The following KSR2 variants were observed in gnomAD, a reference collection of about 807,000 sequenced individuals.
KSR2 encodes the protein kinase suppressor of ras 2.
KSR2 carries 25 observed loss-of-function variants against 107.8 expected under a neutral mutation model. That is an observed-to-expected ratio of 0.23 (90% CI 0.17 to 0.32). KSR2 has a LOEUF of 0.32. KSR2 is among the 10% of genes least tolerant of loss of function. KSR2 has a pLI of 1.00. For missense variants in KSR2, 887 were observed against 1,268.9 expected, an observed-to-expected ratio of 0.70 and a Z score of 4.57; for synonymous variants, 480 against 507.0, an observed-to-expected ratio of 0.95 and a Z score of 0.71.
In KSR2 at chr12:117,801,863, C is replaced by T. The variant is rs566206061; in HGVS notation, c.473-40339G>A. Reference sequence around the variant, plus strand: ...TGGGGGGAAGAAGAACAGCAGGTGGCCTGGGATTCCCAAGAGGCCCTGGGG... The same window carrying T: ...TGGGGGGAAGAAGAACAGCAGGTGGTCTGGGATTCCCAAGAGGCCCTGGGG... On this transcript the variant is annotated intron_variant, in intron 3 of 19. Coordinates refer to ENST00000339824, the MANE Select transcript of KSR2 (RefSeq NM_173598.6). Among the ~76,000 whole-genome samples the T allele has an allele frequency of 4.2e-4, 64 of 152,024 alleles. 1 individual carries two copies. The highest frequency in any genetic ancestry group is 1.5e-3 in the African/African-American group (62 of 41,460).
chr12:117,963,406 C>A (rs1190828974), intron 1 of KSR2, among the ~76,000 whole-genome samples: 3 of 152,072 alleles, frequency 2.0e-5, no homozygotes, highest in African/African-American at 7.2e-5. Context: ...TCAAGATCAG[C>A]TGGAGCAACA....
chr12:117,654,017 T>C (rs529808380), intron 5 of KSR2, among the ~76,000 whole-genome samples: 1 of 152,348 alleles, frequency 6.6e-6, no homozygotes, highest in South Asian at 2.1e-4. Flanking sequence ...CAGAGGCTTC[T>C]AGGATTTTGG....
At chr12:117,748,287 C>T (rs1888487270) in intron 4 of KSR2, among the ~76,000 whole-genome samples, 2 of 152,060 alleles carry the variant, frequency 1.3e-5, no homozygotes, top group Admixed American at 1.3e-4. Flanking sequence ...CAGGAGCTGG[C>T]AGGAAGGAGG....
chr12:117,886,058 T>C (rs1894167590), intron 1 of KSR2, among the ~76,000 whole-genome samples: 1 of 149,986 alleles, frequency 6.7e-6, no homozygotes, highest in Admixed American at 6.7e-5. Flanking sequence ...ATTGTGCCAC[T>C]GCACTCCAGC....
chr12:117,582,380 C>T, intron 5 of KSR2, 21 bp from the exon 6 acceptor site: 1 of 1,600,232 alleles, frequency 6.2e-7, no homozygotes, highest in Non-Finnish European at 8.6e-7. Context: ...AAGAGAACAG[C>T]CTGTTACACA....
intron 9 of KSR2, 138 bp downstream of exon 9, chr12:117,555,031 A>G (rs1253394432): frequency 3.9e-6 from 4 of 1,022,814 alleles, no homozygotes. Flanking sequence ...TTTACTCAAC[A>G]CAAACATCAC....
intron 4 of KSR2, among the ~76,000 whole-genome samples, chr12:117,672,704 A>C (rs1884961988): frequency 6.6e-6 from 1 of 151,990 alleles, no homozygotes; most frequent in Non-Finnish European, 1.5e-5. Flanking sequence ...GGCCCACCAC[A>C]ACCTCTGCCT....
chr12:117,590,510 T>A (rs954668323), intron 5 of KSR2, among the ~76,000 whole-genome samples: 1 of 152,218 alleles, frequency 6.6e-6, no homozygotes, highest in Non-Finnish European at 1.5e-5. Flanking sequence ...TGGGGTGATA[T>A]AATTGGAACA....
At chr12:117,875,322 C>A (rs1216218201) in intron 1 of KSR2, among the ~76,000 whole-genome samples, 1 of 146,010 alleles carries the variant, frequency 6.8e-6, no homozygotes, top group Non-Finnish European at 1.5e-5. Flanking sequence ...AATCCTCACC[C>A]CTTAGGTGCT....
rs142835160 is a variant in KSR2 at position 117,453,523 on chromosome 12, T to C, written c.*13676A>G. 2.6e-3 allele frequency: 391 copies of C among 152,152 alleles called. 1 individual carries two copies. The highest frequency in any genetic ancestry group is 8.4e-3 in the African/African-American group (350 of 41,472). 9.4% of individuals were successfully genotyped at this position (152,152 alleles called of 1,614,324 possible). ...CTGTACAAGAATTAGTCTTTATATA[T>C]ATAATATATATGTATAATATTTATA... On this transcript the variant is annotated 3_prime_UTR_variant, in exon 20 of 20. Coordinates refer to ENST00000339824, the MANE Select transcript of KSR2 (RefSeq NM_173598.6).
chr12:117,496,891 C>T (rs901872173), intron 14 of KSR2, among the ~76,000 whole-genome samples: 1 of 150,800 alleles, frequency 6.6e-6, no homozygotes, highest in Non-Finnish European at 1.5e-5. Context: ...CGCTCTGTTG[C>T]CCAGGCTGCA....
At chr12:117,767,454 G>A (rs1889280351) in intron 3 of KSR2, among the ~76,000 whole-genome samples, 1 of 147,216 alleles carries the variant, frequency 6.8e-6, no homozygotes, top group Non-Finnish European at 1.5e-5. Flanking sequence ...AAAAAAAAGA[G>A]ACAAACAGGT....
intron 4 of KSR2, among the ~76,000 whole-genome samples, chr12:117,694,851 T>C (rs111430724): frequency 0.12 from 13,406 of 109,046 alleles, 819 homozygotes; most frequent in South Asian, 0.19. Context: ...GATTCTTTTT[T>C]TTTTTTTTTT....
At chr12:117,637,674 G>GGTTTTTTTTTT (rs1883163953) in intron 5 of KSR2, among the ~76,000 whole-genome samples, 1 of 37,380 alleles carries the variant, frequency 2.7e-5, no homozygotes, top group East Asian at 2.1e-3. Context: ...GTCAGTTTTG[G>GGTTTTTTTTTT]GTTTTTTTTT....
chr12:117,775,788 G>A (rs1156250101), intron 3 of KSR2, among the ~76,000 whole-genome samples: 3 of 152,122 alleles, frequency 2.0e-5, no homozygotes, highest in African/African-American at 4.8e-5. Context: ...CATTCACAGC[G>A]ACCTGGATGG....
intron 5 of KSR2, among the ~76,000 whole-genome samples, chr12:117,641,369 G>A (rs1883348902): frequency 6.6e-6 from 1 of 152,124 alleles, no homozygotes; most frequent in Non-Finnish European, 1.5e-5. Flanking sequence ...AAGGTTAGAA[G>A]TTTTTATTTT....
chr12:117,470,918 T>G lies in KSR2; in HGVS notation c.2712+273A>C, dbSNP rs144112596. On this transcript the variant is annotated intron_variant, in intron 18 of 19. Coordinates refer to ENST00000339824, the MANE Select transcript of KSR2 (RefSeq NM_173598.6). ...TTTAAAAATACCAGAAAAAGAGAGATATATTGGTTCTACCTAACTCAGCAA... is the reference window on the plus strand; with the variant it reads ...TTTAAAAATACCAGAAAAAGAGAGAGATATTGGTTCTACCTAACTCAGCAA... 9.2e-5 allele frequency among the ~76,000 whole-genome samples: 14 copies of G among 152,312 alleles called. No homozygotes were observed. In the East Asian group the frequency reaches 1.9e-3, roughly 21 times the overall value.
intron 5 of KSR2, among the ~76,000 whole-genome samples, chr12:117,642,151 G>T (rs1286511354): frequency 1.3e-5 from 2 of 152,152 alleles, no homozygotes; most frequent in Non-Finnish European, 2.9e-5. Context: ...CTGCTCCCCT[G>T]TTGTAGATTT....
At chr12:117,898,957 G>C (rs577838361) in intron 1 of KSR2, among the ~76,000 whole-genome samples, 2 of 152,236 alleles carry the variant, frequency 1.3e-5, no homozygotes, top group South Asian at 4.1e-4. Context: ...AGGGAGCAGG[G>C]CCCGACAACC....
Sources: allele counts gnomAD v4.1 joint callset (sites outside exome capture counted in the v4.1 genomes callset), GRCh38; gene constraint gnomAD v4.1.1; transcripts MANE v1.5; gene names NCBI Gene and HGNC (gene_info 2026-07-23, HGNC 2026-07-21).